Variants in FAF1 observed in about 807,000 individuals in gnomAD.
The protein encoded by FAF1 is Fas associated factor 1.
In FAF1, 25 loss-of-function variants were observed where a neutral mutation model predicts 92.5. The observed-to-expected ratio is 0.27, with a 90% CI of 0.20 to 0.38. FAF1 has a LOEUF of 0.38. FAF1 is among the 10% of genes least tolerant of loss of function. The pLI is 1.00. For missense variants in FAF1, 636 were observed against 793.3 expected, an observed-to-expected ratio of 0.80 and a Z score of 2.38; for synonymous variants, 234 against 273.2, an observed-to-expected ratio of 0.86 and a Z score of 1.42.
chr1:50,552,124 G>A (rs1649335808), intron 13 of FAF1, among the ~76,000 whole-genome samples: 1 of 151,904 alleles, frequency 6.6e-6, no homozygotes, highest in Non-Finnish European at 1.5e-5. Flanking sequence ...ATGAAACCCT[G>A]TCTCTACTAA....
chr1:50,485,663 G>C (rs1361049791), intron 17 of FAF1, among the ~76,000 whole-genome samples: 1 of 72,752 alleles, frequency 1.4e-5, no homozygotes, highest in African/African-American at 7.2e-5. Flanking sequence ...GAGCGAGACT[G>C]TCTCAAAAAA....
rs1557543732 is a variant in FAF1 at position 50,819,789 on chromosome 1, A to ATATATATACG, written c.115-18113_115-18112insCGTATATATA. ...CGTATATATATATACATATATATAC[A>ATATATATACG]TATATATATATACATATATATATAT... On this transcript the variant is annotated intron_variant, in intron 2 of 18. Transcript: ENST00000396153. 1.1e-4 allele frequency among the ~76,000 whole-genome samples: 7 copies of ATATATATACG among 64,312 alleles called. 1 individual carries two copies. Among genetic ancestry groups the ATATATATACG allele is most frequent in the Non-Finnish European group, 2.2e-4 (7 of 31,182 alleles). The allele number at this position is 64,312 out of a possible 152,430, so 42.2% of individuals were successfully genotyped here. A position where few individuals can be genotyped will look rare whatever the true frequency, so the allele number is the denominator to read the frequency against.
intron 7 of FAF1, among the ~76,000 whole-genome samples, chr1:50,664,285 T>C (rs1332400017): frequency 1.4e-5 from 2 of 147,998 alleles, no homozygotes; most frequent in African/African-American, 2.5e-5. Context: ...CATGAGCCAC[T>C]GTGCCCGGCC....
chr1:50,917,621 G>A (rs1395994600), intron 1 of FAF1, among the ~76,000 whole-genome samples: 1 of 103,654 alleles, frequency 9.6e-6, no homozygotes, highest in African/African-American at 3.7e-5. Flanking sequence ...AAAAGGGAAA[G>A]GAAAAAGGAA....
intron 1 of FAF1, among the ~76,000 whole-genome samples, chr1:50,867,902 C>A (rs1644495590): frequency 6.6e-6 from 1 of 152,004 alleles, no homozygotes; most frequent in Non-Finnish European, 1.5e-5. Flanking sequence ...GCACAATTTG[C>A]AATTACAAAA....
chr1:50,848,798 T>C (rs976264547), intron 2 of FAF1, among the ~76,000 whole-genome samples: 4 of 152,148 alleles, frequency 2.6e-5, no homozygotes, highest in Admixed American at 2.6e-4. Context: ...TCTCAAAGTG[T>C]CAAGGTCATG....
intron 2 of FAF1, among the ~76,000 whole-genome samples, chr1:50,819,860 C>A (rs1470297659): frequency 7.1e-6 from 1 of 141,728 alleles, no homozygotes; most frequent in Non-Finnish European, 1.5e-5. Flanking sequence ...TCAGCACTTA[C>A]TAGGAAATTT....
At chr1:50,845,736 C>CT (rs960603051) in intron 2 of FAF1, among the ~76,000 whole-genome samples, 3 of 152,012 alleles carry the variant, frequency 2.0e-5, no homozygotes, top group Non-Finnish European at 2.9e-5. Flanking sequence ...TTTGCCCTTC[C>CT]TTGGGACAAT....
At chr1:50,937,110 C>G (rs546397042) in intron 1 of FAF1, among the ~76,000 whole-genome samples, 8 of 151,920 alleles carry the variant, frequency 5.3e-5, no homozygotes, top group Non-Finnish European at 1.0e-4. Flanking sequence ...GGGAGGTATG[C>G]CTTACTCAGG....
intron 18 of FAF1, 63 bp downstream of exon 18, chr1:50,475,401 C>A (rs75019420): frequency 7.5e-7 from 1 of 1,325,534 alleles, no homozygotes; most frequent in Non-Finnish European, 1.1e-6. Context: ...CTACTTTGTT[C>A]AGCTTTAATG....
chr1:50,640,795 C>A (rs1160391070), intron 8 of FAF1, among the ~76,000 whole-genome samples: 1 of 144,096 alleles, frequency 6.9e-6, no homozygotes, highest in Non-Finnish European at 1.5e-5. Context: ...GTCTCTTTTT[C>A]TCTTGATCAG....
chr1:50,893,590 A>G lies in FAF1; in HGVS notation c.46-35593T>C, dbSNP rs529161446. Among the ~76,000 whole-genome samples, 25 of 152,234 alleles carry G rather than the reference A, an allele frequency of 1.6e-4. No homozygotes were observed. In the East Asian group the frequency reaches 4.8e-3, roughly 29 times the overall value. On this transcript the variant is annotated intron_variant, in intron 1 of 18. Coordinates refer to ENST00000396153, the MANE Select transcript of FAF1 (RefSeq NM_007051.3). ...GTTGCTTGGAGCTGGGGGTGGGGTG[A>G]CACAAGTACTCCTATGGCTGCCACA...
chr1:50,880,676 T>G (rs1442770779), intron 1 of FAF1, among the ~76,000 whole-genome samples: 1 of 152,198 alleles, frequency 6.6e-6, no homozygotes, highest in Non-Finnish European at 1.5e-5. Context: ...TCCAGAACTG[T>G]GAGAAAATTT....
chr1:50,916,038 T>C (rs1186401430), intron 1 of FAF1, among the ~76,000 whole-genome samples: 2 of 152,200 alleles, frequency 1.3e-5, no homozygotes, highest in Non-Finnish European at 2.9e-5. Flanking sequence ...TTCCAGCCCA[T>C]GTCCTCTGAG....
intron 8 of FAF1, among the ~76,000 whole-genome samples, chr1:50,631,673 A>C (rs1468830157): frequency 6.6e-6 from 1 of 152,228 alleles, no homozygotes; most frequent in Non-Finnish European, 1.5e-5. Context: ...GTGAAATTGC[A>C]TTTGAAGGAA....
At chr1:50,893,097 T>C (rs758745374) in intron 1 of FAF1, among the ~76,000 whole-genome samples, 34 of 152,156 alleles carry the variant, frequency 2.2e-4, no homozygotes, top group Non-Finnish European at 2.2e-4. Flanking sequence ...CATATTATCT[T>C]GAATTTCTTT....
At chr1:50,524,040 C>T (rs914341619) in intron 15 of FAF1, among the ~76,000 whole-genome samples, 1 of 152,152 alleles carries the variant, frequency 6.6e-6, no homozygotes. Context: ...TTCTCTGCAA[C>T]CTCGCTAGCA....
At chr1:50,656,922 G>T (rs1011490841) in intron 7 of FAF1, among the ~76,000 whole-genome samples, 2 of 152,022 alleles carry the variant, frequency 1.3e-5, no homozygotes, top group Non-Finnish European at 2.9e-5. Flanking sequence ...TAAAATAAAA[G>T]AAGTGTTACT....
At chr1:50,890,984 C>G (rs1644714981) in intron 1 of FAF1, among the ~76,000 whole-genome samples, 1 of 152,232 alleles carries the variant, frequency 6.6e-6, no homozygotes, top group African/African-American at 2.4e-5. Flanking sequence ...CTCCCCGTCA[C>G]TTTCAGGTAC....
Sources: allele counts gnomAD v4.1 joint callset (sites outside exome capture counted in the v4.1 genomes callset), GRCh38; gene constraint gnomAD v4.1.1; transcripts MANE v1.5; gene names NCBI Gene and HGNC (gene_info 2026-07-23, HGNC 2026-07-21).